Variants in GARIN1A observed in about 807,000 individuals in gnomAD.
GARIN1A encodes Golgi-associated RAB2 interactor protein 1A.
chr7:128,673,248 G>T, the GARIN1A span, among the ~76,000 whole-genome samples: 1 of 152,186 alleles, frequency 6.6e-6, no homozygotes, highest in African/African-American at 2.4e-5. Flanking sequence ...TCCCTGGCCA[G>T]GAAGCCTATG....
chr7:128,703,957 A>G, the GARIN1A span, among the ~76,000 whole-genome samples: 1 of 152,158 alleles, frequency 6.6e-6, no homozygotes, highest in African/African-American at 2.4e-5. Flanking sequence ...GGTATGCCAC[A>G]AAGAGTGAGT....
At chr7:128,683,722 C>A in the GARIN1A span, 2 of 152,222 alleles carry the variant, frequency 1.3e-5, no homozygotes, top group African/African-American at 4.8e-5. Context: ...GTCACATTGG[C>A]CTCTCAAAGG....
chr7:128,673,912 T>C, the GARIN1A span, among the ~76,000 whole-genome samples: 2 of 152,136 alleles, frequency 1.3e-5, no homozygotes, highest in Non-Finnish European at 2.9e-5. Flanking sequence ...TCTCTTAATG[T>C]GTGCTTTTTT....
chr7:128,677,593 G>A, the GARIN1A span: 17 of 1,611,196 alleles, frequency 1.1e-5, no homozygotes, highest in South Asian at 9.9e-5. Context: ...GTGGAGCTAC[G>A]AATCTACGAC....
At chr7:128,678,090 G>A in the GARIN1A span, 7 of 209,340 alleles carry the variant, frequency 3.3e-5, no homozygotes, top group Admixed American at 3.0e-4. Flanking sequence ...GCGCGATCTC[G>A]GCTCACTGCA....
the GARIN1A span, among the ~76,000 whole-genome samples, chr7:128,705,287 T>A: frequency 1.3e-5 from 2 of 152,162 alleles, no homozygotes; most frequent in Admixed American, 6.5e-5. Context: ...TCTTGTCCTT[T>A]CCTTGTCTTT....
At chr7:128,681,718 G>T in the GARIN1A span, among the ~76,000 whole-genome samples, 1 of 151,882 alleles carries the variant, frequency 6.6e-6, no homozygotes, top group South Asian at 2.1e-4. Context: ...GCCCAGGCTG[G>T]TCTCAAACTC....
the GARIN1A span, among the ~76,000 whole-genome samples, chr7:128,688,947 C>T: frequency 3.3e-5 from 5 of 150,012 alleles, no homozygotes; most frequent in Admixed American, 6.6e-5. Flanking sequence ...ATTGCAGGCG[C>T]GCGCCACCAC....
At chr7:128,672,629 GC>G in the GARIN1A span, 1 of 344,640 alleles carries the variant, frequency 2.9e-6, no homozygotes. Flanking sequence ...AGATGCTGTG[GC>G]CTTTTAAAGC....
the GARIN1A span, among the ~76,000 whole-genome samples, chr7:128,697,023 G>A: frequency 6.6e-6 from 1 of 152,142 alleles, no homozygotes; most frequent in Non-Finnish European, 1.5e-5. Flanking sequence ...TGTGTGTTTT[G>A]TTTGTTTGTT....
At chr7:128,672,172 C>A in the GARIN1A span, 3 of 487,798 alleles carry the variant, frequency 6.2e-6, no homozygotes, top group South Asian at 7.0e-5. Flanking sequence ...ATCCTCTGTC[C>A]TTCCTCTTCT....
chr7:128,698,212 G>A, the GARIN1A span, among the ~76,000 whole-genome samples: 3 of 152,126 alleles, frequency 2.0e-5, no homozygotes, highest in Non-Finnish European at 4.4e-5. Flanking sequence ...CCACAACACT[G>A]GAGGAGTGTT....
chr7:128,694,260 G>A, the GARIN1A span, among the ~76,000 whole-genome samples: 2 of 152,338 alleles, frequency 1.3e-5, no homozygotes, highest in Admixed American at 1.3e-4. Flanking sequence ...GGCCGAGCAT[G>A]GTGGCTCACG....
the GARIN1A span, among the ~76,000 whole-genome samples, chr7:128,704,421 G>C: frequency 6.6e-6 from 1 of 151,520 alleles, no homozygotes; most frequent in Non-Finnish European, 1.5e-5. Flanking sequence ...TCTCTTGCCT[G>C]AGCCTCCCAA....
At chr7:128,679,789 C>T in the GARIN1A span, among the ~76,000 whole-genome samples, 2 of 152,288 alleles carry the variant, frequency 1.3e-5, no homozygotes, top group East Asian at 1.9e-4. Flanking sequence ...TGCCTCTGAA[C>T]GTTCAGATCT....
At chr7:128,680,293 C>G in the GARIN1A span, 1 of 474,162 alleles carries the variant, frequency 2.1e-6, no homozygotes, top group Non-Finnish European at 3.7e-6. Context: ...TTATTGTAAG[C>G]CTGCCTTTGA....
the GARIN1A span, among the ~76,000 whole-genome samples, chr7:128,688,446 T>TA: frequency 6.6e-6 from 1 of 152,120 alleles, no homozygotes; most frequent in African/African-American, 2.4e-5. Flanking sequence ...AAGAAAGAAA[T>TA]ACAGGTGGAA....
the GARIN1A span, among the ~76,000 whole-genome samples, chr7:128,696,353 T>C: frequency 6.6e-6 from 1 of 152,022 alleles, no homozygotes; most frequent in Non-Finnish European, 1.5e-5. Context: ...TTTTTGTCCA[T>C]TGTGTTTTGA....
chr7:128,677,149 A>G, the GARIN1A span, among the ~76,000 whole-genome samples: 2,843 of 151,956 alleles, frequency 0.019, 47 homozygotes, highest in Middle Eastern at 0.031. Flanking sequence ...GCATCCCCCA[A>G]GCAGAGAGGT....
Sources: gnomAD v4.1 joint callset for allele counts (sites outside exome capture counted in the v4.1 genomes callset) on GRCh38, gnomAD v4.1.1 for gene constraint, MANE v1.5 for transcripts, NCBI Gene and HGNC (gene_info 2026-07-23, HGNC 2026-07-21) for gene names.